The following NHS variants were observed in gnomAD, a reference collection of about 807,000 sequenced individuals.
The protein encoded by NHS is actin remodeling regulator NHS.
Under a neutral mutation model 72.5 loss-of-function variants are expected in NHS, and 5 were observed. The ratio of observed to expected loss-of-function variants is 0.07; its 90% CI spans 0.04 to 0.14. The LOEUF (loss-of-function observed/expected upper bound fraction) is 0.14. NHS is among the 10% of genes least tolerant of loss of function. The pLI is 1.00. For missense variants in NHS, 1,072 were observed against 1,355.7 expected (o/e 0.79, Z 3.29); for synonymous variants, 464 against 547.7 (o/e 0.85, Z 2.13).
At chrX:17,378,059 C>CGTGT (rs34807039) in intron 1 of NHS, among the ~76,000 whole-genome samples, 3,001 of 101,016 alleles carry the variant, frequency 0.03, 77 homozygotes, top group African/African-American at 0.083. Flanking sequence ...ATACATTTCC[C>CGTGT]GTGTGTGTGT....
At chrX:17,615,134 G>A (rs1296872136) in intron 1 of NHS, among the ~76,000 whole-genome samples, 75 of 88,994 alleles carry the variant, frequency 8.4e-4, no homozygotes, top group African/African-American at 2.8e-3. Flanking sequence ...ATATACATAT[G>A]TGTGTATATA....
intron 1 of NHS, among the ~76,000 whole-genome samples, chrX:17,423,526 A>G (rs1035131032): frequency 9.0e-6 from 1 of 111,454 alleles, no homozygotes; most frequent in Non-Finnish European, 1.9e-5. Context: ...CTGCTCGGCT[A>G]GATCCTGGTT....
At chrX:17,641,292 A>C (rs1339300611) in intron 1 of NHS, among the ~76,000 whole-genome samples, 1 of 111,106 alleles carries the variant, frequency 9.0e-6, no homozygotes, top group Non-Finnish European at 1.9e-5. Context: ...CTCTTTGTCT[A>C]CTCTCCTTTT....
chrX:17,378,888 A>G (rs867709574), intron 1 of NHS, among the ~76,000 whole-genome samples: 83 of 111,754 alleles, frequency 7.4e-4, no homozygotes, highest in African/African-American at 2.4e-3. Flanking sequence ...AGGGCCAGGT[A>G]GAGAGATGCA....
At position 17,547,335 on chromosome X, in the gene NHS, C is replaced by T. The variant is rs770834802; in HGVS notation, c.566-140407C>T. ...CTACCCCTCTGATCCAGGCAAGTCA[C>T]GAGTCATCTGGATACCCCCTTTTTT... On this transcript the variant is annotated intron_variant, in intron 1 of 8. Transcript: ENST00000676302. Among the ~76,000 whole-genome samples the T allele has an allele frequency of 7.1e-5, 8 of 112,308 alleles. No individual in the cohort carries two copies. In the Admixed American group the frequency reaches 7.5e-4, roughly 11 times the overall value.
chrX:17,570,156 T>C (rs1249178964), intron 1 of NHS, among the ~76,000 whole-genome samples: 1 of 112,225 alleles, frequency 8.9e-6, no homozygotes, highest in Non-Finnish European at 1.9e-5. Flanking sequence ...ATGTGGGCTC[T>C]TTTTTGGTTC....
intron 1 of NHS, among the ~76,000 whole-genome samples, chrX:17,547,854 C>T (rs1409518626): frequency 8.9e-6 from 1 of 112,050 alleles, no homozygotes; most frequent in East Asian, 2.8e-4. Flanking sequence ...GATGGCCTCA[C>T]CTCCATGGCT....
At chrX:17,480,599 A>T (rs2064942337) in intron 1 of NHS, among the ~76,000 whole-genome samples, 1 of 111,959 alleles carries the variant, frequency 8.9e-6, no homozygotes, top group African/African-American at 3.2e-5. Flanking sequence ...CTGAAACTGG[A>T]CCCTTTCCTT....
chrX:17,666,831 C>T lies in NHS; in HGVS notation c.566-20911C>T, dbSNP rs143789408. On this transcript the variant is annotated intron_variant, in intron 1 of 8. Transcript: ENST00000676302. ...AGTCATGTACCCTCCTAGCAGCACG[C>T]GAAAAGAGAGAACAAAGGCTCTTGG... Among the ~76,000 whole-genome samples, 193 of 112,086 alleles carry T rather than the reference C, an allele frequency of 1.7e-3. 1 individual carries two copies. Among genetic ancestry groups the T allele is most frequent in the Non-Finnish European group, 3.1e-3 (164 of 53,191 alleles).
chrX:17,672,661 G>A (rs2066054798), intron 1 of NHS, among the ~76,000 whole-genome samples: 2 of 112,161 alleles, frequency 1.8e-5, no homozygotes, highest in Admixed American at 9.4e-5. Flanking sequence ...TGGTCAGTAG[G>A]TCGCCATTGT....
intron 1 of NHS, among the ~76,000 whole-genome samples, chrX:17,510,673 C>G (rs1480456279): frequency 1.8e-5 from 2 of 111,972 alleles, no homozygotes; most frequent in African/African-American, 6.5e-5. Context: ...CTCCATTTCC[C>G]TTTATCCATG....
intron 3 of NHS, among the ~76,000 whole-genome samples, chrX:17,703,749 A>T (rs2066279759): frequency 8.9e-6 from 1 of 112,418 alleles, no homozygotes; most frequent in Non-Finnish European, 1.9e-5. Context: ...CTCAGATAGG[A>T]TCAATTAGGA....
chrX:17,546,334 C>G (rs1161814200), intron 1 of NHS, among the ~76,000 whole-genome samples: 1 of 112,345 alleles, frequency 8.9e-6, no homozygotes, highest in Non-Finnish European at 1.9e-5. Context: ...GCTGGCAAAA[C>G]AGAAATGAGG....
At chrX:17,624,974 G>A (rs1187877132) in intron 1 of NHS, among the ~76,000 whole-genome samples, 2 of 112,245 alleles carry the variant, frequency 1.8e-5, no homozygotes, top group East Asian at 5.5e-4. Flanking sequence ...GCTTCTGTTT[G>A]TATGAGTTAT....
intron 3 of NHS, among the ~76,000 whole-genome samples, chrX:17,698,311 T>G (rs1447421749): frequency 8.9e-6 from 1 of 112,154 alleles, no homozygotes; most frequent in Non-Finnish European, 1.9e-5. Context: ...TAAGAGACTA[T>G]TTTGCAGACC....
chrX:17,676,557 G>A lies in NHS; in HGVS notation c.566-11185G>A, dbSNP rs768678353. 1.1e-4 allele frequency among the ~76,000 whole-genome samples: 12 copies of A among 112,468 alleles called. No individual in the cohort carries two copies. The East Asian group carries it at 1.7e-3, about 16-fold the overall frequency. On this transcript the variant is annotated intron_variant, in intron 1 of 8. Transcript: ENST00000676302. Reference sequence around the variant, plus strand: ...TGTTAAACCCATAACTATTTGTTTCGCTCTCCTGAAAGAGCAAATTCCTTA... The same window carrying A: ...TGTTAAACCCATAACTATTTGTTTCACTCTCCTGAAAGAGCAAATTCCTTA...
At chrX:17,666,819 C>T (rs886527080) in intron 1 of NHS, among the ~76,000 whole-genome samples, 1 of 112,173 alleles carries the variant, frequency 8.9e-6, no homozygotes, top group African/African-American at 3.2e-5. Flanking sequence ...CATGTACCCT[C>T]CTAGCAGCAC....
intron 1 of NHS, among the ~76,000 whole-genome samples, chrX:17,496,182 G>A (rs2065011767): frequency 8.9e-6 from 1 of 111,816 alleles, no homozygotes; most frequent in African/African-American, 3.2e-5. Flanking sequence ...GCAGCCTGCA[G>A]GGGTAAGCAA....
intron 1 of NHS, among the ~76,000 whole-genome samples, chrX:17,425,075 A>C (rs1414930435): frequency 8.9e-6 from 1 of 111,798 alleles, no homozygotes; most frequent in Non-Finnish European, 1.9e-5. Context: ...AAGCTGAGCA[A>C]CTGGTATTTA....
Sources: gnomAD v4.1 joint callset for allele counts (sites outside exome capture counted in the v4.1 genomes callset) on GRCh38, gnomAD v4.1.1 for gene constraint, MANE v1.5 for transcripts, NCBI Gene and HGNC (gene_info 2026-07-23, HGNC 2026-07-21) for gene names.